The following PDILT variants were observed in gnomAD, a reference collection of about 807,000 sequenced individuals.
The protein encoded by PDILT is protein disulfide-isomerase-like protein of the testis.
PDILT carries 43 observed loss-of-function variants against 53.7 expected under a neutral mutation model. The ratio of observed to expected loss-of-function variants is 0.80; its 90% CI spans 0.63 to 1.03. The LOEUF (loss-of-function observed/expected upper bound fraction) is 1.03, where lower values mean the gene tolerates loss of function less well. PDILT is among the 50% of genes least tolerant of loss of function. The pLI is 0.00. For synonymous variants in PDILT, 282 were observed against 274.2 expected (o/e 1.03, Z -0.28); for missense variants, 727 against 712.3 (o/e 1.02, Z -0.24).
rs1230755482 is a variant in PDILT, at chr16:20,397,059, T to G, written c.202+2040A>C. On this transcript the variant is annotated intron_variant, in intron 2 of 11. Transcript: ENST00000302451. ...TTCTTAAGTTCTTATTACGCATCAG[T>G]CACTGTGCTAAGCACATTATTTCAC... Among the ~76,000 whole-genome samples the G allele has an allele frequency of 2.0e-5, 3 of 152,244 alleles. No individual in the cohort carries two copies. The East Asian group carries it at 5.8e-4, about 29-fold the overall frequency.
At chr16:20,392,834 A>C (rs1416163632) in intron 2 of PDILT, among the ~76,000 whole-genome samples, 1 of 152,198 alleles carries the variant, frequency 6.6e-6, no homozygotes, top group African/African-American at 2.4e-5. Context: ...ATTTAGTGTC[A>C]GTTCTTAAGT....
chr16:20,370,134 A>T lies in PDILT; in HGVS notation c.919-445T>A, dbSNP rs141351022. Reference sequence around the variant, plus strand: ...ATTATTATTCAAAATTATTCTATCAAGGAAATTCATGACTTCATTCACTCA... The same window carrying T: ...ATTATTATTCAAAATTATTCTATCATGGAAATTCATGACTTCATTCACTCA... On this transcript the variant is annotated intron_variant, in intron 7 of 11. Transcript: ENST00000302451. 1.8e-3 allele frequency among the ~76,000 whole-genome samples: 277 copies of T among 152,312 alleles called. 1 individual carries two copies. Among genetic ancestry groups the T allele is most frequent in the African/African-American group, 6.4e-3 (265 of 41,570 alleles).
chr16:20,403,569 C>G (rs974518437), intron 1 of PDILT, among the ~76,000 whole-genome samples: 1 of 152,148 alleles, frequency 6.6e-6, no homozygotes, highest in Non-Finnish European at 1.5e-5. Context: ...AGATTGCAGG[C>G]GTGAGCCACC....
At position 20,399,331 on chromosome 16, in the gene PDILT, G is replaced by A. The variant is rs148600567; in HGVS notation, c.-7-24C>T. Reference sequence around the variant, plus strand: ...TCCTGCAGGGGCCGGAGAAGGAACAGAGACCTTATCAACACAGGTGGTGGA... The same window carrying A: ...TCCTGCAGGGGCCGGAGAAGGAACAAAGACCTTATCAACACAGGTGGTGGA... On this transcript the variant is annotated intron_variant, in intron 1 of 11. Transcript: ENST00000302451. 6.4e-4 allele frequency: 1,035 copies of A among 1,610,596 alleles called. 5 individuals carry two copies. The African/African-American group carries it at 0.012, about 18-fold the overall frequency.
chr16:20,380,347 C>CT (rs1567326293), intron 3 of PDILT, among the ~76,000 whole-genome samples: 6 of 151,250 alleles, frequency 4.0e-5, no homozygotes, highest in African/African-American at 9.7e-5. Flanking sequence ...TTCTTTTTTT[C>CT]TTTTTTTTGA....
chr16:20,360,127 AAAGC>A (rs1158891212), intron 11 of PDILT, among the ~76,000 whole-genome samples: 1 of 152,238 alleles, frequency 6.6e-6, no homozygotes, highest in African/African-American at 2.4e-5. Flanking sequence ...ATTGTTGCTT[AAAGC>A]AAAGAGTAGT....
intron 2 of PDILT, among the ~76,000 whole-genome samples, chr16:20,392,015 T>G (rs980934153): frequency 2.0e-5 from 3 of 152,026 alleles, no homozygotes; most frequent in Non-Finnish European, 2.9e-5. Flanking sequence ...TCTCTCTGGA[T>G]GCATTGCAGG....
At chr16:20,370,000 G>T (rs1461045167) in intron 7 of PDILT, among the ~76,000 whole-genome samples, 1 of 152,212 alleles carries the variant, frequency 6.6e-6, no homozygotes, top group African/African-American at 2.4e-5. Flanking sequence ...GACTATCATA[G>T]GGTTGCTGTG....
At chr16:20,384,591 G>A in intron 3 of PDILT, 54 bp downstream of exon 3, 1 of 1,604,978 alleles carries the variant, frequency 6.2e-7, no homozygotes, top group African/African-American at 1.3e-5. Context: ...CCCTATAGCT[G>A]TTAAGTGGAC....
Position 20,399,307 on chromosome 16 carries a change from C to G in PDILT, c.-7G>C. The G allele has an allele frequency of 6.2e-7, 1 of 1,613,478 alleles. No individual in the cohort carries two copies. The highest frequency in any genetic ancestry group is 1.7e-5 in the Admixed American group (1 of 60,016). On this transcript the variant is annotated splice_region_variant and 5_prime_UTR_variant, in exon 2 of 12. Transcript: ENST00000302451. ...GCATCCAGAGTAGGTCCATGGCTGT[C>G]CTGCAGGGGCCGGAGAAGGAACAGA...
At position 20,397,300 on chromosome 16, in the gene PDILT, C is replaced by T. The variant is rs78093276; in HGVS notation, c.202+1799G>A. ...ACAGGTGTGTGCTACCATTCCTAGCCAACTTTTGTATTTTTCTTTTTGGTA... is the reference window on the plus strand; with the variant it reads ...ACAGGTGTGTGCTACCATTCCTAGCTAACTTTTGTATTTTTCTTTTTGGTA... On this transcript the variant is annotated intron_variant, in intron 2 of 11. Coordinates refer to ENST00000302451, the MANE Select transcript of PDILT (RefSeq NM_174924.2). 2.2e-4 allele frequency among the ~76,000 whole-genome samples: 34 copies of T among 152,150 alleles called. 1 individual carries two copies. The East Asian group carries it at 3.7e-3, about 16-fold the overall frequency.
intron 2 of PDILT, among the ~76,000 whole-genome samples, chr16:20,395,322 G>C (rs1271034988): frequency 6.6e-6 from 1 of 152,180 alleles, no homozygotes; most frequent in Non-Finnish European, 1.5e-5. Context: ...ATTGGGTGCA[G>C]CTCTGGGAAA....
In PDILT at chr16:20,403,929, A is replaced by T. The variant is rs1172015237; in HGVS notation, c.-8+567T>A. Among the ~76,000 whole-genome samples, 4 of 151,980 alleles carry T rather than the reference A, an allele frequency of 2.6e-5. No homozygotes were observed. The East Asian group carries it at 7.7e-4, about 29-fold the overall frequency. ...GTTCTCTGGGTCCTAGCTCGAATCC[A>T]CGCTCATCAGAAGGGTCTTCCCGGG... On this transcript the variant is annotated intron_variant, in intron 1 of 11. Coordinates refer to ENST00000302451, the MANE Select transcript of PDILT (RefSeq NM_174924.2).
intron 5 of PDILT, 150 bp downstream of exon 5, chr16:20,374,672 C>T: frequency 1.2e-6 from 1 of 836,906 alleles, no homozygotes; most frequent in Non-Finnish European, 1.8e-6. Flanking sequence ...AAGGTTGGAG[C>T]AACACTGGGA....
rs745328107 is a variant in PDILT, at chr16:20,369,540, G to T, written c.1068C>A (p.Tyr356Ter). ...TGCGGCCAAATTTCTTGAGGCTTTC[G>T]TAGGTTATGTCATCTGAAGGCATTT... ...RYKMPSDDIT[Y>*]ESLKKFGRSF... The change falls in exon 8 of 12, where the codon TAC becomes TAA. Residue 356 changes from tyrosine (Y) to a stop codon, truncating the protein, a stop_gained. Transcript: ENST00000302451. LOFTEE classifies it high-confidence loss of function. 1 of 1,614,088 alleles carries T rather than the reference G, an allele frequency of 6.2e-7. No individual in the cohort carries two copies. The highest frequency in any genetic ancestry group is 8.5e-7 in the Non-Finnish European group (1 of 1,180,034).
chr16:20,398,558 G>A (rs889952028), intron 2 of PDILT, among the ~76,000 whole-genome samples: 4 of 152,190 alleles, frequency 2.6e-5, no homozygotes, highest in African/African-American at 9.7e-5. Flanking sequence ...GTGAACACAG[G>A]AGGTGGAGGT....
intron 3 of PDILT, among the ~76,000 whole-genome samples, chr16:20,381,625 A>ACTCCATC (rs1477387583): frequency 7.2e-6 from 1 of 138,984 alleles, no homozygotes; most frequent in Non-Finnish European, 1.5e-5. Context: ...AAACAGTGAG[A>ACTCCATC]CTCCATCTCA....
intron 3 of PDILT, among the ~76,000 whole-genome samples, chr16:20,378,140 A>G (rs1966412614): frequency 6.6e-6 from 1 of 152,202 alleles, no homozygotes; most frequent in African/African-American, 2.4e-5. Flanking sequence ...TACCTTCGTT[A>G]TATTTGTTTT....
rs781291960 is a variant in PDILT at position 20,384,731 on chromosome 16, T to A, written c.323A>T (p.Glu108Val). 4 of 1,614,170 alleles carry A rather than the reference T, an allele frequency of 2.5e-6. No individual in the cohort carries two copies. The highest frequency in any genetic ancestry group is 2.2e-5 in the East Asian group (1 of 44,896). Residue 108 changes from glutamate (E) to valine (V), a missense_variant, in exon 3 of 12, where the codon GAG becomes GTG. Glu to Val is a moderately radical substitution (Grantham distance 121). Coordinates refer to ENST00000302451, the MANE Select transcript of PDILT (RefSeq NM_174924.2). ...FGKVDITIEKELQQEFGITKA... is the reference protein window; with the variant it reads ...FGKVDITIEKVLQQEFGITKA... ...GGTAATCCCAAACTCCTGCTGAAGC[T>A]CCTTCTCTATGGTAATGTCCACTTT...
Sources: gnomAD v4.1 joint callset for allele counts (sites outside exome capture counted in the v4.1 genomes callset) on GRCh38, gnomAD v4.1.1 for gene constraint, MANE v1.5 for transcripts, NCBI Gene and HGNC (gene_info 2026-07-23, HGNC 2026-07-21) for gene names.